The following SLC25A12 variants were observed in gnomAD, a reference collection of about 807,000 sequenced individuals.
The protein encoded by SLC25A12 is electrogenic aspartate/glutamate antiporter SLC25A12, mitochondrial.
A neutral mutation model predicts 83.3 loss-of-function variants in SLC25A12; 32 were observed. The ratio of observed to expected loss-of-function variants is 0.38; its 90% CI spans 0.29 to 0.52. The LOEUF is 0.52. SLC25A12 is among the 20% of genes least tolerant of loss of function. The pLI is 0.84. For synonymous variants in SLC25A12, 267 were observed against 291.1 expected, an observed-to-expected ratio of 0.92 and a Z score of 0.84; for missense variants, 611 against 835.6, an observed-to-expected ratio of 0.73 and a Z score of 3.31.
intron 14 of SLC25A12, 53 bp from the exon 15 acceptor site, chr2:171,791,642 C>A: frequency 2.6e-6 from 4 of 1,549,244 alleles, no homozygotes; most frequent in Non-Finnish European, 3.6e-6. Context: ...AGTGTGAATG[C>A]CCAAATGGGA....
At chr2:171,891,931 C>T (rs1194222512) in intron 2 of SLC25A12, among the ~76,000 whole-genome samples, 1 of 152,218 alleles carries the variant, frequency 6.6e-6, no homozygotes, top group Non-Finnish European at 1.5e-5. Context: ...CTCAACTACG[C>T]AGCGTCTTAC....
chr2:171,844,701 T>C (rs1360799302), intron 4 of SLC25A12, among the ~76,000 whole-genome samples, 193 bp from the exon 5 acceptor site: 2 of 152,216 alleles, frequency 1.3e-5, no homozygotes, highest in African/African-American at 2.4e-5. Flanking sequence ...AATATAATTT[T>C]ACACTTAAGA....
At chr2:171,803,789 C>T (rs762325437) in intron 13 of SLC25A12, among the ~76,000 whole-genome samples, 30 of 145,960 alleles carry the variant, frequency 2.1e-4, no homozygotes, top group African/African-American at 3.8e-4. Flanking sequence ...CATAGTGAGA[C>T]GCTACCATTA....
intron 3 of SLC25A12, among the ~76,000 whole-genome samples, chr2:171,866,442 G>A (rs1685307534): frequency 6.8e-6 from 1 of 147,766 alleles, no homozygotes; most frequent in African/African-American, 2.5e-5. Flanking sequence ...CCCGGACGGG[G>A]CGGCTGGCCG....
At position 171,876,548 on chromosome 2, in the gene SLC25A12, G is replaced by GC. The variant is rs200579959; in HGVS notation, c.67-7726_67-7725insG. Among the ~76,000 whole-genome samples the GC allele has an allele frequency of 5.8e-3, 840 of 143,670 alleles. 33 individuals carry two copies. The highest frequency in any genetic ancestry group is 0.018 in the African/African-American group (709 of 39,634). 94.3% of individuals were successfully genotyped at this position (143,670 alleles called of 152,430 possible). ...GGGTTTGGGTTTTTTTTTTTTGGGG[G>GC]GGGGGGGACTCAAGTGATCCTCCCA... On this transcript the variant is annotated intron_variant, in intron 2 of 17. Coordinates refer to ENST00000422440, the MANE Select transcript of SLC25A12 (RefSeq NM_003705.5).
intron 2 of SLC25A12, among the ~76,000 whole-genome samples, chr2:171,869,483 A>T (rs1350435627): frequency 3.3e-5 from 5 of 152,224 alleles, no homozygotes; most frequent in African/African-American, 9.6e-5. Flanking sequence ...TAATCTGCCA[A>T]ACCTTAGAAG....
chr2:171,799,755 T>TTGAGAGCACTATGCAGAC (rs1683671596), intron 13 of SLC25A12, among the ~76,000 whole-genome samples: 2 of 152,192 alleles, frequency 1.3e-5, no homozygotes, highest in Non-Finnish European at 2.9e-5. Context: ...ACTAACTCAT[T>TTGAGAGCACTATGCAGAC]TGAGAGCACT....
intron 8 of SLC25A12, among the ~76,000 whole-genome samples, chr2:171,833,412 G>A (rs545220336): frequency 1.3e-5 from 2 of 151,264 alleles, no homozygotes; most frequent in East Asian, 3.9e-4. Flanking sequence ...ATGTAACAGA[G>A]GAGAAGAAAG....
At chr2:171,861,291 C>G (rs893923789) in intron 3 of SLC25A12, among the ~76,000 whole-genome samples, 1 of 151,980 alleles carries the variant, frequency 6.6e-6, no homozygotes, top group African/African-American at 2.4e-5. Flanking sequence ...TGATACTCTC[C>G]TCTATTTTAA....
intron 2 of SLC25A12, among the ~76,000 whole-genome samples, chr2:171,886,744 T>C (rs1449112555): frequency 6.6e-6 from 1 of 152,038 alleles, no homozygotes; most frequent in East Asian, 1.9e-4. Context: ...TCTCCTGACC[T>C]TGTGATCCGC....
intron 8 of SLC25A12, among the ~76,000 whole-genome samples, chr2:171,827,320 C>T (rs1347522003): frequency 6.6e-6 from 1 of 150,734 alleles, no homozygotes; most frequent in African/African-American, 2.4e-5. Context: ...TTTTTTCCAA[C>T]GATATGTTCT....
At position 171,787,780 on chromosome 2, in the gene SLC25A12, C is replaced by T; in HGVS notation, c.1744+9G>A. ...CCAGCCATTCTGTATGGCTCCAGCCCCTGCCTACCTGCAGTCCCTTTCCAA... is the reference window on the plus strand; with the variant it reads ...CCAGCCATTCTGTATGGCTCCAGCCTCTGCCTACCTGCAGTCCCTTTCCAA... On this transcript the variant is annotated intron_variant, in intron 16 of 17. Transcript: ENST00000422440. 6.2e-7 allele frequency: 1 copy of T among 1,614,142 alleles called. No homozygotes were observed. Among genetic ancestry groups the T allele is most frequent in the Non-Finnish European group, 8.5e-7 (1 of 1,179,996 alleles).
Position 171,894,191 on chromosome 2 carries a change from A to G in SLC25A12, c.12+12T>C, listed in dbSNP as rs1041798482. 1.9e-6 allele frequency: 3 copies of G among 1,608,204 alleles called. No homozygotes were observed. On this transcript the variant is annotated intron_variant, in intron 1 of 17. Transcript: ENST00000422440. ...TTATGCAATAAAAGCAGCAGCAGAGAGTTGGAGTCACCTTGACCGCCATGC... is the reference window on the plus strand; with the variant it reads ...TTATGCAATAAAAGCAGCAGCAGAGGGTTGGAGTCACCTTGACCGCCATGC...
chr2:171,802,964 AGTGTGT>A (rs3058855), intron 13 of SLC25A12, among the ~76,000 whole-genome samples: 8 of 150,266 alleles, frequency 5.3e-5, no homozygotes, highest in African/African-American at 1.7e-4. Flanking sequence ...GGTTTTAAAA[AGTGTGT>A]GTGTGTGTGT....
In SLC25A12 at chr2:171,807,651, A is replaced by C. The variant is rs147108751; in HGVS notation, c.1305+1955T>G. On this transcript the variant is annotated intron_variant, in intron 13 of 17. Transcript: ENST00000422440. ...AAAATGACCAAGAAAAAGAATATTTATGATTGGCAAAGGTTCGCTCTCTAG... is the reference window on the plus strand; with the variant it reads ...AAAATGACCAAGAAAAAGAATATTTCTGATTGGCAAAGGTTCGCTCTCTAG... Among the ~76,000 whole-genome samples the C allele has an allele frequency of 1.6e-4, 24 of 152,374 alleles. No homozygotes were observed. The East Asian group carries it at 4.6e-3, about 29-fold the overall frequency.
intron 13 of SLC25A12, among the ~76,000 whole-genome samples, chr2:171,804,740 T>G (rs1277416807): frequency 6.6e-6 from 1 of 152,148 alleles, no homozygotes; most frequent in African/African-American, 2.4e-5. Flanking sequence ...AGACCCTGTC[T>G]CTATGAAAAA....
At chr2:171,853,914 C>G (rs949032602) in intron 4 of SLC25A12, among the ~76,000 whole-genome samples, 2 of 152,094 alleles carry the variant, frequency 1.3e-5, no homozygotes, top group Non-Finnish European at 2.9e-5. Context: ...CACAAAGAAC[C>G]ATGATATCAA....
At chr2:171,831,172 C>A (rs928286520) in intron 8 of SLC25A12, among the ~76,000 whole-genome samples, 2 of 152,332 alleles carry the variant, frequency 1.3e-5, no homozygotes, top group African/African-American at 4.8e-5. Context: ...GGTCTATCTT[C>A]TTGCCACTCT....
chr2:171,883,793 T>G (rs1313519463), intron 2 of SLC25A12, among the ~76,000 whole-genome samples: 2 of 152,150 alleles, frequency 1.3e-5, no homozygotes, highest in South Asian at 4.1e-4. Flanking sequence ...ATGATGGCCC[T>G]TCTCATTATT....
Sources: allele counts gnomAD v4.1 joint callset (sites outside exome capture counted in the v4.1 genomes callset), GRCh38; gene constraint gnomAD v4.1.1; transcripts MANE v1.5; gene names NCBI Gene and HGNC (gene_info 2026-07-23, HGNC 2026-07-21).